The following FTCDNL1 variants were observed in gnomAD, a reference collection of about 807,000 sequenced individuals.
FTCDNL1 encodes formiminotransferase cyclodeaminase N-terminal like, also known as formiminotransferase N-terminal subdomain-containing protein.
A neutral mutation model predicts 5.9 loss-of-function variants in FTCDNL1; 11 were observed. The observed-to-expected ratio is 1.87, with a 90% CI of 1.18 to 3.10. The LOEUF (loss-of-function observed/expected upper bound fraction) is 3.10, where lower values mean the gene tolerates loss of function less well. Ranked by LOEUF, FTCDNL1 falls within the 30% of genes most tolerant of loss-of-function variation. The probability of loss-of-function intolerance (pLI) is 0.00; values close to 1 mark genes in which losing one functional copy is unlikely to be tolerated. For missense variants in FTCDNL1, 115 were observed against 65.5 expected (o/e 1.76, Z -2.61); for synonymous variants, 58 against 24.8 (o/e 2.34, Z -3.99).
the FTCDNL1 span, among the ~76,000 whole-genome samples, chr2:199,728,184 TAGAA>T: frequency 6.6e-6 from 1 of 152,168 alleles, no homozygotes; most frequent in Non-Finnish European, 1.5e-5. Flanking sequence ...TACAATCTAT[TAGAA>T]AGAGTTTTTA....
At chr2:199,683,137 T>TATG in the FTCDNL1 span, among the ~76,000 whole-genome samples, 14 of 152,338 alleles carry the variant, frequency 9.2e-5, no homozygotes, top group East Asian at 2.7e-3. Flanking sequence ...AAGCCTTAGA[T>TATG]ATGATGCATC....
chr2:199,809,690 T>C lies in FTCDNL1; in HGVS notation c.*3015A>G, dbSNP rs1263881573. Among the ~76,000 whole-genome samples, 2 of 152,176 alleles carry C rather than the reference T, an allele frequency of 1.3e-5. No individual in the cohort carries two copies. The highest frequency in any genetic ancestry group is 2.9e-5 in the Non-Finnish European group (2 of 68,036). ...AGTATGTTCTCTAAACCTTTAGACT[T>C]TCCATCTGAATTCCAAAAGAATAAG... is the stretch of plus-strand genomic sequence containing the variant. On this transcript the variant is annotated 3_prime_UTR_variant, in exon 5 of 5. Transcript: ENST00000420128.
intron 3 of FTCDNL1, among the ~76,000 whole-genome samples, chr2:199,774,311 A>G (rs1405927966): frequency 1.3e-5 from 2 of 152,222 alleles, no homozygotes; most frequent in Admixed American, 1.3e-4. Flanking sequence ...TCTGCCCTAC[A>G]AATTCAGCAT....
the FTCDNL1 span, among the ~76,000 whole-genome samples, chr2:199,741,529 A>G: frequency 6.6e-6 from 1 of 152,226 alleles, no homozygotes; most frequent in African/African-American, 2.4e-5. Flanking sequence ...TCATTTCAGA[A>G]TAATTATTAT....
chr2:199,717,509 ATTTTTTTTTTTT>A, the FTCDNL1 span, among the ~76,000 whole-genome samples: 1 of 57,660 alleles, frequency 1.7e-5, no homozygotes, highest in South Asian at 8.7e-4. Context: ...CAAGGCAGAG[ATTTTTTTTTTTT>A]TTTTTTTTTT....
intron 3 of FTCDNL1, among the ~76,000 whole-genome samples, chr2:199,830,896 G>A (rs1702330461): frequency 1.3e-5 from 2 of 152,202 alleles, no homozygotes; most frequent in South Asian, 4.1e-4. Context: ...TGAAAGAGCA[G>A]AAACATCAGG....
At chr2:199,701,905 C>A in the FTCDNL1 span, among the ~76,000 whole-genome samples, 1 of 152,032 alleles carries the variant, frequency 6.6e-6, no homozygotes, top group African/African-American at 2.4e-5. Flanking sequence ...CGTGATGGTG[C>A]ACACTGGTAA....
chr2:199,697,284 A>C, the FTCDNL1 span, among the ~76,000 whole-genome samples: 5 of 152,168 alleles, frequency 3.3e-5, no homozygotes, highest in Non-Finnish European at 7.3e-5. Flanking sequence ...AAAATAAATA[A>C]ATAAAAAAAG....
intron 3 of FTCDNL1, among the ~76,000 whole-genome samples, chr2:199,762,714 C>G (rs1441371791): frequency 2.0e-5 from 3 of 152,208 alleles, no homozygotes; most frequent in African/African-American, 7.2e-5. Context: ...CTTATCTGTA[C>G]AACGGCAATA....
chr2:199,693,006 T>A, the FTCDNL1 span, among the ~76,000 whole-genome samples: 1 of 152,220 alleles, frequency 6.6e-6, no homozygotes, highest in Non-Finnish European at 1.5e-5. Context: ...GGTTTTTGTA[T>A]TAGGGTCTGA....
At position 199,846,129 on chromosome 2, in the gene FTCDNL1, C is replaced by A; in HGVS notation, c.157G>T (p.Asp53Tyr). The change falls in exon 3 of 5, where the codon GAT (aspartate) becomes TAT (tyrosine). Residue 53 changes from aspartate (D) to tyrosine (Y), a missense_variant. By Grantham distance (160) the Asp-to-Tyr change is radical. Coordinates refer to ENST00000420128, the MANE Select transcript of FTCDNL1 (RefSeq NM_001363886.2). The part of the protein sequence containing the change: ...PQVSVLNIFS[D>Y]QDYKRSVITI... Reference sequence around the variant, plus strand: ...ATGACTGATCTCTTGTAGTCTTGATCGGAAAATATATTGAGCACTGAAACT... The same window carrying A: ...ATGACTGATCTCTTGTAGTCTTGATAGGAAAATATATTGAGCACTGAAACT... The A allele has an allele frequency of 1.4e-6, 1 of 699,612 alleles. No individual in the cohort carries two copies. Among genetic ancestry groups the A allele is most frequent in the Admixed American group, 2.0e-5 (1 of 49,604 alleles). 43.3% of individuals were successfully genotyped at this position (699,612 alleles called of 1,614,324 possible). A position where few individuals can be genotyped will look rare whatever the true frequency, so the allele number is the denominator to read the frequency against.
intron 3 of FTCDNL1, among the ~76,000 whole-genome samples, chr2:199,794,520 A>G (rs949126373): frequency 1.3e-5 from 2 of 152,132 alleles, no homozygotes; most frequent in Non-Finnish European, 2.9e-5. Flanking sequence ...CTGGAGAACA[A>G]CTCAGCCATT....
At chr2:199,812,941 G>A (rs759746562) in intron 4 of FTCDNL1, among the ~76,000 whole-genome samples, 2 of 152,160 alleles carry the variant, frequency 1.3e-5, no homozygotes, top group Admixed American at 6.5e-5. Context: ...TGGAAACACT[G>A]TATTTATCAT....
At chr2:199,757,954 AT>A (rs371963790), downstream of FTCDNL1, among the ~76,000 whole-genome samples, 542 of 152,158 alleles carry the variant, frequency 3.6e-3, 12 homozygotes, top group African/African-American at 0.013. Context: ...TCCTTAATTC[AT>A]TTGGGGTGCT....
chr2:199,771,943 A>C (rs934068762), intron 3 of FTCDNL1, among the ~76,000 whole-genome samples: 6 of 152,210 alleles, frequency 3.9e-5, no homozygotes, highest in African/African-American at 1.4e-4. Context: ...ACCCATGATA[A>C]AGTTTAATTT....
intron 3 of FTCDNL1, among the ~76,000 whole-genome samples, chr2:199,830,854 T>C (rs1239229035): frequency 6.6e-6 from 1 of 152,156 alleles, no homozygotes; most frequent in Non-Finnish European, 1.5e-5. Flanking sequence ...TCTAAGGGAC[T>C]GAAAAAAATA....
At chr2:199,781,001 T>A (rs114172342) in intron 3 of FTCDNL1, among the ~76,000 whole-genome samples, 165 of 152,326 alleles carry the variant, frequency 1.1e-3, no homozygotes, top group African/African-American at 3.6e-3. Context: ...TGCCACAATG[T>A]ACTCTATTCA....
At chr2:199,678,491 T>C in the FTCDNL1 span, among the ~76,000 whole-genome samples, 1 of 152,118 alleles carries the variant, frequency 6.6e-6, no homozygotes, top group African/African-American at 2.4e-5. Context: ...TTTTTTATTA[T>C]ATAAGCCATA....
chr2:199,850,121 C>A (rs754096063), intron 1 of FTCDNL1, among the ~76,000 whole-genome samples: 16 of 152,180 alleles, frequency 1.1e-4, no homozygotes, highest in Non-Finnish European at 2.1e-4. Flanking sequence ...GCTCAGGCTT[C>A]GTAGCTAGCT....
Sources: gnomAD v4.1 joint callset for allele counts (sites outside exome capture counted in the v4.1 genomes callset) on GRCh38, gnomAD v4.1.1 for gene constraint, MANE v1.5 for transcripts, NCBI Gene and HGNC (gene_info 2026-07-23, HGNC 2026-07-21) for gene names.